Variants in ETV6 observed in about 807,000 individuals in gnomAD.
ETV6 encodes transcription factor ETV6.
Under a neutral mutation model 51.1 loss-of-function variants are expected in ETV6, and 16 were observed. The ratio of observed to expected loss-of-function variants is 0.31; its 90% confidence interval spans 0.21 to 0.48. ETV6 has a LOEUF of 0.48. Ranked by LOEUF, ETV6 falls within the 20% of genes least tolerant of loss-of-function variation. ETV6 has a pLI of 0.99. For synonymous variants in ETV6, 240 were observed against 224.1 expected (o/e 1.07, Z -0.64); for missense variants, 458 against 594.8 (o/e 0.77, Z 2.39).
chr12:11,825,784 A>G (rs1263073361), intron 2 of ETV6: 1 of 151,110 alleles, frequency 6.6e-6, no homozygotes, highest in Non-Finnish European at 1.5e-5. Flanking sequence ...GAGATTTTAA[A>G]TATTTCCATT....
At chr12:11,722,879 CAG>C (rs2120935473) in intron 1 of ETV6, among the ~76,000 whole-genome samples, 1 of 152,316 alleles carries the variant, frequency 6.6e-6, no homozygotes, top group African/African-American at 2.4e-5. Context: ...AGAATCACCT[CAG>C]GGGCTTTTAG....
chr12:11,791,071 A>G (rs1279147864), intron 2 of ETV6, among the ~76,000 whole-genome samples: 6 of 152,142 alleles, frequency 3.9e-5, no homozygotes, highest in Non-Finnish European at 7.4e-5. Flanking sequence ...CCAGTCCCCA[A>G]TCCTTTCACG....
intron 2 of ETV6, among the ~76,000 whole-genome samples, chr12:11,769,446 A>G (rs1293292763): frequency 1.3e-5 from 2 of 152,204 alleles, no homozygotes; most frequent in Non-Finnish European, 2.9e-5. Flanking sequence ...TGAGAAGAAA[A>G]AAAAAAACGA....
intron 3 of ETV6, among the ~76,000 whole-genome samples, chr12:11,843,128 C>T (rs1011467638): frequency 1.3e-5 from 2 of 152,166 alleles, no homozygotes; most frequent in African/African-American, 4.8e-5. Context: ...AATTTCAAGG[C>T]GATGCCTGCC....
intron 2 of ETV6, among the ~76,000 whole-genome samples, chr12:11,762,508 C>A (rs1011671032): frequency 6.6e-6 from 1 of 152,204 alleles, no homozygotes; most frequent in Non-Finnish European, 1.5e-5. Flanking sequence ...ACTATCCTCC[C>A]TTAGCCGGCT....
chr12:11,705,271 G>T (rs1865053800), intron 1 of ETV6, among the ~76,000 whole-genome samples: 1 of 152,214 alleles, frequency 6.6e-6, no homozygotes, highest in Non-Finnish European at 1.5e-5. Flanking sequence ...AAACAATTCA[G>T]GATGATTTGC....
intron 1 of ETV6, among the ~76,000 whole-genome samples, chr12:11,735,711 G>A (rs952987565): frequency 2.6e-5 from 4 of 152,042 alleles, no homozygotes; most frequent in South Asian, 4.1e-4. Context: ...AGCGATTCTC[G>A]TCTCAGCCTC....
intron 1 of ETV6, among the ~76,000 whole-genome samples, chr12:11,731,534 GAGAA>G (rs2120978502): frequency 6.6e-6 from 1 of 152,154 alleles, no homozygotes; most frequent in Non-Finnish European, 1.5e-5. Flanking sequence ...AAGAAGAGAA[GAGAA>G]AGAATAATTT....
intron 1 of ETV6, among the ~76,000 whole-genome samples, chr12:11,743,260 T>C (rs998291340): frequency 2.0e-5 from 3 of 152,224 alleles, no homozygotes; most frequent in African/African-American, 7.2e-5. Flanking sequence ...ATTATTTTGG[T>C]AGTAAACATT....
chr12:11,653,971 C>T (rs1863954627), intron 1 of ETV6, among the ~76,000 whole-genome samples: 1 of 151,990 alleles, frequency 6.6e-6, no homozygotes, highest in African/African-American at 2.4e-5. Context: ...CGCCACCATG[C>T]CCGGCTAATT....
intron 3 of ETV6, among the ~76,000 whole-genome samples, chr12:11,852,209 G>A (rs947803962): frequency 1.3e-5 from 2 of 152,148 alleles, no homozygotes; most frequent in African/African-American, 4.8e-5. Context: ...AGGTTTTGGG[G>A]TTTGTTTATT....
intron 5 of ETV6, among the ~76,000 whole-genome samples, chr12:11,881,152 G>T (rs755896957): frequency 1.3e-5 from 2 of 152,094 alleles, no homozygotes; most frequent in Non-Finnish European, 2.9e-5. Context: ...TGCCTGGGCT[G>T]GTCTTGAACT....
intron 3 of ETV6, among the ~76,000 whole-genome samples, chr12:11,841,229 G>A (rs534325442): frequency 2.0e-4 from 30 of 152,318 alleles, no homozygotes; most frequent in African/African-American, 7.0e-4. Context: ...AAATCTGTCC[G>A]CAGTTCCTTG....
At chr12:11,688,606 A>T (rs1471994934) in intron 1 of ETV6, among the ~76,000 whole-genome samples, 2 of 152,230 alleles carry the variant, frequency 1.3e-5, no homozygotes, top group African/African-American at 4.8e-5. Context: ...AAGACTGCAG[A>T]AGGCAGAGTT....
intron 1 of ETV6, among the ~76,000 whole-genome samples, chr12:11,709,159 A>G (rs572852890): frequency 6.6e-6 from 1 of 152,266 alleles, no homozygotes; most frequent in Non-Finnish European, 1.5e-5. Context: ...TACAGTGAAC[A>G]CCTATGAACT....
At chr12:11,857,196 T>C (rs1946644224) in intron 4 of ETV6, among the ~76,000 whole-genome samples, 1 of 152,250 alleles carries the variant, frequency 6.6e-6, no homozygotes, top group African/African-American at 2.4e-5. Flanking sequence ...AAATGTGTCT[T>C]GCTCAATCTA....
At chr12:11,650,221 G>A in intron 1 of ETV6, 61 bp downstream of exon 1, 1 of 1,421,572 alleles carries the variant, frequency 7.0e-7, no homozygotes, top group Non-Finnish European at 1.0e-6. Flanking sequence ...GGCCAGGGCA[G>A]TCGTGCTGGG....
chr12:11,699,426 G>C (rs547718311), intron 1 of ETV6, among the ~76,000 whole-genome samples: 5 of 152,148 alleles, frequency 3.3e-5, no homozygotes, highest in Non-Finnish European at 5.9e-5. Flanking sequence ...GGCAGCATAG[G>C]TCTATTTTTC....
intron 1 of ETV6, among the ~76,000 whole-genome samples, chr12:11,652,646 A>G (rs1863927879): frequency 6.6e-6 from 1 of 152,118 alleles, no homozygotes; most frequent in Non-Finnish European, 1.5e-5. Context: ...CATTCCTTAC[A>G]AGTAGCGGGT....
Sources: gnomAD v4.1 joint callset for allele counts (sites outside exome capture counted in the v4.1 genomes callset) on GRCh38, gnomAD v4.1.1 for gene constraint, MANE v1.5 for transcripts, NCBI Gene and HGNC (gene_info 2026-07-23, HGNC 2026-07-21) for gene names.